NUGGC: variants seen among roughly 807,000 people sequenced by gnomAD.
NUGGC encodes nuclear GTPase, germinal center associated.
A neutral mutation model predicts 92.6 loss-of-function variants in NUGGC; 58 were observed. The observed-to-expected ratio is 0.63, with a 90% CI of 0.51 to 0.78. The LOEUF is 0.78. NUGGC is among the 30% of genes least tolerant of loss of function. The pLI, the probability that NUGGC is intolerant of heterozygous loss-of-function variation, is 0.00. For synonymous variants in NUGGC, 376 were observed against 366.4 expected, an observed-to-expected ratio of 1.03 and a Z score of -0.30; for missense variants, 925 against 964.6, an observed-to-expected ratio of 0.96 and a Z score of 0.54.
intron 16 of NUGGC, 138 bp downstream of exon 16, chr8:28,030,172 C>T (rs1455107846): frequency 3.2e-6 from 2 of 623,076 alleles, no homozygotes; most frequent in Admixed American, 4.6e-5. Context: ...CATGTGGTTG[C>T]AATGTGTGGA....
chr8:28,083,412 A>G (rs1188951033), intron 1 of NUGGC, among the ~76,000 whole-genome samples: 1 of 152,222 alleles, frequency 6.6e-6, no homozygotes, highest in Non-Finnish European at 1.5e-5. Context: ...CATATTCATC[A>G]AAAACAAGGA....
At chr8:28,059,925 G>A (rs1435803373) in intron 8 of NUGGC, among the ~76,000 whole-genome samples, 1 of 152,094 alleles carries the variant, frequency 6.6e-6, no homozygotes, top group Non-Finnish European at 1.5e-5. Flanking sequence ...GGAGGCTGAG[G>A]CAGGAGAATT....
intron 13 of NUGGC, among the ~76,000 whole-genome samples, chr8:28,037,874 T>C (rs1809596197): frequency 6.6e-6 from 1 of 152,168 alleles, no homozygotes; most frequent in Admixed American, 6.5e-5. Flanking sequence ...GGGTAGAGTC[T>C]AGGGATGAAA....
intron 1 of NUGGC, among the ~76,000 whole-genome samples, chr8:28,080,265 A>T (rs1458996310): frequency 1.3e-5 from 2 of 152,148 alleles, no homozygotes; most frequent in Non-Finnish European, 2.9e-5. Flanking sequence ...ACTTGAAGAC[A>T]CCCTCAGAAG....
intron 17 of NUGGC, among the ~76,000 whole-genome samples, chr8:28,028,339 C>A (rs1314976449): frequency 2.6e-5 from 4 of 152,184 alleles, no homozygotes; most frequent in African/African-American, 9.7e-5. Flanking sequence ...GAACAAGATG[C>A]CTCTTAGCCT....
intron 3 of NUGGC, 38 bp from the exon 4 acceptor site, chr8:28,069,690 G>A (rs761802055): frequency 8.7e-7 from 1 of 1,145,694 alleles, no homozygotes; most frequent in Non-Finnish European, 1.3e-6. Context: ...CAGGTACCTG[G>A]CAGGGATAAA....
chr8:28,060,400 A>C lies in NUGGC; in HGVS notation c.1097+26T>G. On this transcript the variant is annotated intron_variant, in intron 8 of 18. Coordinates refer to ENST00000413272, the MANE Select transcript of NUGGC (RefSeq NM_001010906.2). The stretch of plus-strand genomic sequence containing the variant: ...AGAGGAAAGCCCCTGACTGGAGCCC[A>C]CATCCTTGCAAGCCCAGCACAATAC... The C allele has an allele frequency of 1.9e-6, 3 of 1,611,488 alleles. No homozygotes were observed. In the South Asian group the frequency reaches 3.3e-5, roughly 18 times the overall value.
chr8:28,028,621 G>C (rs1809330604), intron 17 of NUGGC, among the ~76,000 whole-genome samples: 1 of 152,156 alleles, frequency 6.6e-6, no homozygotes, highest in African/African-American at 2.4e-5. Flanking sequence ...ACTACTTGGG[G>C]GAAAGGGGGT....
Position 28,069,997 on chromosome 8 carries a change from C to G in NUGGC, c.148+255G>C, listed in dbSNP as rs527337102. The stretch of plus-strand genomic sequence containing the variant: ...CACCATGCTGACACCCACGGAAGCA[C>G]CAACCTCATCATTTTCACAGGCTTT... On this transcript the variant is annotated intron_variant, in intron 3 of 18. Coordinates refer to ENST00000413272, the MANE Select transcript of NUGGC (RefSeq NM_001010906.2). 7.1e-3 allele frequency: 4,326 copies of G among 611,714 alleles called. 42 individuals are homozygous for G. Among genetic ancestry groups the G allele is most frequent in the South Asian group, 0.049 (672 of 13,834 alleles). 37.9% of individuals were successfully genotyped at this position (611,714 alleles called of 1,614,324 possible).
intron 18 of NUGGC, among the ~76,000 whole-genome samples, chr8:28,025,020 G>A (rs575610839): frequency 2.0e-4 from 30 of 152,110 alleles, no homozygotes; most frequent in Admixed American, 3.3e-4. Flanking sequence ...TCTGTGTTTC[G>A]CTTCCCTGCC....
At chr8:28,038,754 A>G (rs1217594578) in intron 13 of NUGGC, among the ~76,000 whole-genome samples, 1 of 152,232 alleles carries the variant, frequency 6.6e-6, no homozygotes, top group Non-Finnish European at 1.5e-5. Flanking sequence ...TGAGTAGTTT[A>G]GGAGACGCAA....
chr8:28,073,340 C>T (rs994719602), intron 2 of NUGGC, among the ~76,000 whole-genome samples: 2 of 151,880 alleles, frequency 1.3e-5, no homozygotes, highest in African/African-American at 4.8e-5. Flanking sequence ...CCAAGCAAAA[C>T]GATCCCATTC....
At chr8:28,027,451 C>G (rs1461842808) in intron 17 of NUGGC, among the ~76,000 whole-genome samples, 1 of 152,156 alleles carries the variant, frequency 6.6e-6, no homozygotes, top group Non-Finnish European at 1.5e-5. Context: ...CATCTGCTCA[C>G]TGGGGAGATG....
rs5890398 is a variant in NUGGC at position 28,065,152 on chromosome 8, C to CTT, written c.712-423_712-422dup. On this transcript the variant is annotated intron_variant, in intron 6 of 18. Coordinates refer to ENST00000413272, the MANE Select transcript of NUGGC (RefSeq NM_001010906.2). ...ACTGAAAATTGATCTGAAATTGGAT[C>CTT]TTTTTTTTTTTTTTTTTTTTTTTTT... 1.3e-3 allele frequency among the ~76,000 whole-genome samples: 105 copies of CTT among 79,924 alleles called. 5 individuals are homozygous for CTT. Among genetic ancestry groups the CTT allele is most frequent in the African/African-American group, 3.0e-3 (58 of 19,436 alleles). The allele number at this position is 79,924 out of a possible 152,430, so 52.4% of individuals were successfully genotyped here.
At chr8:28,060,131 C>G (rs1304934551) in intron 8 of NUGGC, among the ~76,000 whole-genome samples, 1 of 152,126 alleles carries the variant, frequency 6.6e-6, no homozygotes, top group Admixed American at 6.5e-5. Flanking sequence ...TCACATCACA[C>G]AGTGCAGGAG....
At chr8:28,033,466 T>C in intron 14 of NUGGC, 74 bp downstream of exon 14, 3 of 1,429,468 alleles carry the variant, frequency 2.1e-6, no homozygotes, top group Non-Finnish European at 2.9e-6. Flanking sequence ...AGATCCAAAG[T>C]CTAAATTCTT....
Position 28,031,302 on chromosome 8 carries a change from T to C in NUGGC, c.1849A>G (p.Ile617Val). The change falls in exon 15 of 19, where the codon ATT (isoleucine) becomes GTT (valine). Residue 617 changes from isoleucine to valine, a missense_variant. Physicochemically the swap from Ile to Val is conservative, Grantham distance 29. Coordinates refer to ENST00000413272, the MANE Select transcript of NUGGC (RefSeq NM_001010906.2). ...TATTTCCAGCCACTTCTTATCCCAA[T>C]TTCTGTCATTTTCTCCTGCAGGGAC... ...KQSLQEKMTEIGIRSGWKYDS... is the reference protein window; with the variant it reads ...KQSLQEKMTEVGIRSGWKYDS... 3 of 1,614,040 alleles carry C rather than the reference T, an allele frequency of 1.9e-6. No individual in the cohort carries two copies. The highest frequency in any genetic ancestry group is 2.5e-6 in the Non-Finnish European group (3 of 1,179,874).
rs1563210743 is a variant in NUGGC, at chr8:28,023,285, A to AT, written c.*31dup. 4.4e-6 allele frequency: 7 copies of AT among 1,598,992 alleles called. 1 individual carries two copies. The South Asian group carries it at 7.8e-5, about 18-fold the overall frequency. ...ATTCTAATTCTCTGGCTCTGGGCTG[A>AT]TTTTTCATCCATTGGGACTAAGCCC... is the stretch of plus-strand genomic sequence containing the variant. On this transcript the variant is annotated 3_prime_UTR_variant, in exon 19 of 19. Coordinates refer to ENST00000413272, the MANE Select transcript of NUGGC (RefSeq NM_001010906.2).
In NUGGC at chr8:28,027,026, G is replaced by T. The variant is rs758063414; in HGVS notation, c.2181C>A (p.Gly727=). The T allele has an allele frequency of 1.2e-5, 19 of 1,613,230 alleles. No individual in the cohort carries two copies. Among genetic ancestry groups the T allele is most frequent in the Non-Finnish European group, 1.5e-5 (18 of 1,179,354 alleles). ...LKTGIVEKVK[G]SITTMLALAS... ...CAAGGGCCAGCATAGTGGTGATGCT[G>T]CCCTTCACCTTCTCCACGATTCCAG... The change falls in exon 18 of 19, where the codon GGC becomes GGA. Residue 727 remains glycine, a synonymous_variant. Coordinates refer to ENST00000413272, the MANE Select transcript of NUGGC (RefSeq NM_001010906.2).
Sources: gnomAD v4.1 joint callset for allele counts (sites outside exome capture counted in the v4.1 genomes callset) on GRCh38, gnomAD v4.1.1 for gene constraint, MANE v1.5 for transcripts, NCBI Gene and HGNC (gene_info 2026-07-23, HGNC 2026-07-21) for gene names.